IL1RAPL1: variants seen among roughly 807,000 people sequenced by gnomAD.
IL1RAPL1 encodes the protein interleukin-1 receptor accessory protein-like 1.
A neutral mutation model predicts 48.4 loss-of-function variants in IL1RAPL1; 3 were observed. The ratio of observed to expected loss-of-function variants is 0.06; its 90% CI spans 0.03 to 0.16. The LOEUF (loss-of-function observed/expected upper bound fraction) is 0.16. IL1RAPL1 is among the 10% of genes least tolerant of loss of function. The pLI is 1.00. For missense variants in IL1RAPL1, 349 were observed against 530.6 expected (o/e 0.66, Z 3.36); for synonymous variants, 185 against 187.7 (o/e 0.99, Z 0.12).
rs189772675 is a variant in IL1RAPL1 at position 28,883,940 on chromosome X, A to G, written c.82+94515A>G. Reference sequence around the variant, plus strand: ...TGTTTTTTTGTTTGTTTGTTTATAAAATAAAGACATGTTACACTTTTGTGC... The same window carrying G: ...TGTTTTTTTGTTTGTTTGTTTATAAGATAAAGACATGTTACACTTTTGTGC... On this transcript the variant is annotated intron_variant, in intron 2 of 10. Coordinates refer to ENST00000378993, the MANE Select transcript of IL1RAPL1 (RefSeq NM_014271.4). 4.4e-3 allele frequency among the ~76,000 whole-genome samples: 489 copies of G among 111,772 alleles called. 3 individuals carry two copies. The highest frequency in any genetic ancestry group is 0.014 in the African/African-American group (438 of 30,875).
intron 2 of IL1RAPL1, among the ~76,000 whole-genome samples, chrX:29,103,080 A>G (rs1396533585): frequency 8.9e-6 from 1 of 112,285 alleles, no homozygotes. Flanking sequence ...TGCAATTCCT[A>G]TCAAAATACC....
intron 2 of IL1RAPL1, among the ~76,000 whole-genome samples, chrX:29,022,472 TC>T (rs979773878): frequency 8.9e-6 from 1 of 112,028 alleles, no homozygotes; most frequent in Non-Finnish European, 1.9e-5. Flanking sequence ...AATATGGAAA[TC>T]AGGTGATCAG....
chrX:29,766,979 C>T lies in IL1RAPL1; in HGVS notation c.778+98475C>T, dbSNP rs919028599. Among the ~76,000 whole-genome samples, 4 of 109,918 alleles carry T rather than the reference C, an allele frequency of 3.6e-5. No individual in the cohort carries two copies. The Admixed American group carries it at 4.0e-4, about 11-fold the overall frequency. On this transcript the variant is annotated intron_variant, in intron 6 of 10. Transcript: ENST00000378993. Reference sequence around the variant, plus strand: ...ATGGTACTGTTATCTAATACACAGTCCGTATTCACATTCTTTACAGTTGTT... The same window carrying T: ...ATGGTACTGTTATCTAATACACAGTTCGTATTCACATTCTTTACAGTTGTT...
At chrX:29,454,933 G>C (rs1311709247) in intron 5 of IL1RAPL1, among the ~76,000 whole-genome samples, 1 of 110,515 alleles carries the variant, frequency 9.0e-6, no homozygotes, top group Non-Finnish European at 1.9e-5. Flanking sequence ...AGAGTGGGTA[G>C]ATCCCGAGTG....
chrX:28,729,510 A>G (rs1176497268), intron 1 of IL1RAPL1, among the ~76,000 whole-genome samples: 1 of 111,642 alleles, frequency 9.0e-6, no homozygotes, highest in African/African-American at 3.3e-5. Flanking sequence ...TAAATGCTCT[A>G]TAAACAGAGT....
At chrX:29,207,968 G>A (rs1379766082) in intron 2 of IL1RAPL1, among the ~76,000 whole-genome samples, 1 of 111,466 alleles carries the variant, frequency 9.0e-6, no homozygotes, top group Non-Finnish European at 1.9e-5. Flanking sequence ...ATTTTAAGCT[G>A]CTTTGAAATC....
chrX:29,335,003 C>G (rs1174116508), intron 3 of IL1RAPL1, among the ~76,000 whole-genome samples: 3 of 112,187 alleles, frequency 2.7e-5, no homozygotes, highest in African/African-American at 9.7e-5. Context: ...ACTGAGTGAA[C>G]GAGACTCCGT....
chrX:29,587,408 G>A (rs191127720), intron 5 of IL1RAPL1, among the ~76,000 whole-genome samples: 53 of 110,216 alleles, frequency 4.8e-4, no homozygotes, highest in African/African-American at 1.7e-3. Flanking sequence ...GAGTATGTTG[G>A]TCAAAGGGCA....
At chrX:29,660,150 T>C (rs1275259085) in intron 5 of IL1RAPL1, among the ~76,000 whole-genome samples, 1 of 111,001 alleles carries the variant, frequency 9.0e-6, no homozygotes, top group Non-Finnish European at 1.9e-5. Context: ...GCCCCCATGA[T>C]CCAGTCACCT....
intron 2 of IL1RAPL1, among the ~76,000 whole-genome samples, chrX:28,866,470 C>T (rs1054458473): frequency 1.1e-4 from 12 of 110,946 alleles, no homozygotes; most frequent in Non-Finnish European, 2.3e-4. Flanking sequence ...TCACAAATCA[C>T]CACTAAAGAA....
At chrX:29,132,074 A>G (rs1411974171) in intron 2 of IL1RAPL1, among the ~76,000 whole-genome samples, 1 of 111,869 alleles carries the variant, frequency 8.9e-6, no homozygotes, top group Non-Finnish European at 1.9e-5. Context: ...TATGTGTTTA[A>G]GTGCAGAAAT....
intron 3 of IL1RAPL1, among the ~76,000 whole-genome samples, chrX:29,319,261 G>A (rs968496257): frequency 8.8e-4 from 95 of 107,640 alleles, no homozygotes; most frequent in African/African-American, 3.1e-3. Context: ...GGGTGATCAC[G>A]GCTCACAGCA....
intron 1 of IL1RAPL1, among the ~76,000 whole-genome samples, chrX:28,635,530 A>G (rs1183239682): frequency 8.9e-6 from 1 of 111,809 alleles, no homozygotes; most frequent in Non-Finnish European, 1.9e-5. Flanking sequence ...CTATTTTTTT[A>G]TATATAAAAT....
At chrX:28,634,748 ATTCT>A (rs1934445010) in intron 1 of IL1RAPL1, among the ~76,000 whole-genome samples, 1 of 107,516 alleles carries the variant, frequency 9.3e-6, no homozygotes, top group Non-Finnish European at 1.9e-5. Context: ...TCTTACTTTT[ATTCT>A]TTCTATTTTT....
chrX:28,799,288 TG>T (rs1054142959), intron 2 of IL1RAPL1, among the ~76,000 whole-genome samples: 2 of 112,175 alleles, frequency 1.8e-5, no homozygotes, highest in Admixed American at 9.4e-5. Flanking sequence ...AAGCCCCAAA[TG>T]TAGATTGAGG....
chrX:28,675,850 T>C (rs1448084733), intron 1 of IL1RAPL1, among the ~76,000 whole-genome samples: 1 of 111,705 alleles, frequency 9.0e-6, no homozygotes, highest in Non-Finnish European at 1.9e-5. Flanking sequence ...ACAGCGATGC[T>C]TAGGTTGTGC....
rs10635140 is a variant in IL1RAPL1 at position 29,695,597 on chromosome X, CGAGA to C, written c.778+27120_778+27123del. ...ACTTTCCTTGGTGCTTGCAAGGTGG[CGAGA>C]GAGAGAGAGAGAGAGAGAGAGAGAG... is the stretch of plus-strand genomic sequence containing the variant. On this transcript the variant is annotated intron_variant, in intron 6 of 10. Transcript: ENST00000378993. 5.5e-3 allele frequency among the ~76,000 whole-genome samples: 523 copies of C among 94,812 alleles called. 1 individual carries two copies. The highest frequency in any genetic ancestry group is 6.3e-3 in the African/African-American group (160 of 25,255). 82.3% of individuals were successfully genotyped at this position (94,812 alleles called of 115,157 possible). A position where few individuals can be genotyped will look rare whatever the true frequency, so the allele number is the denominator to read the frequency against.
chrX:28,759,238 C>A (rs867749376), intron 1 of IL1RAPL1, among the ~76,000 whole-genome samples: 4 of 98,637 alleles, frequency 4.1e-5, no homozygotes, highest in Non-Finnish European at 6.1e-5. Context: ...AACTCCATCT[C>A]AAAAAAAAAA....
At chrX:29,535,750 G>C (rs1471032380) in intron 5 of IL1RAPL1, among the ~76,000 whole-genome samples, 1 of 111,737 alleles carries the variant, frequency 8.9e-6, no homozygotes, top group African/African-American at 3.2e-5. Flanking sequence ...ATAGTATCAA[G>C]GTAAAAACAA....
Sources: allele counts gnomAD v4.1 joint callset (sites outside exome capture counted in the v4.1 genomes callset), GRCh38; gene constraint gnomAD v4.1.1; transcripts MANE v1.5; gene names NCBI Gene and HGNC (gene_info 2026-07-23, HGNC 2026-07-21).